The following TRMT2B variants were observed in gnomAD, a reference collection of about 807,000 sequenced individuals.
TRMT2B encodes the protein tRNA (uracil-5-)-methyltransferase homolog B.
Under a neutral mutation model 39.7 loss-of-function variants are expected in TRMT2B, and 34 were observed. That is an observed-to-expected ratio of 0.86 (90% CI 0.65 to 1.14). TRMT2B has a LOEUF of 1.14. Among genes scored for constraint, TRMT2B ranks in the 50% most tolerant of loss-of-function variants. The pLI, the probability that TRMT2B is intolerant of heterozygous loss-of-function variation, is 0.00. For synonymous variants in TRMT2B, 132 were observed against 137.3 expected, an observed-to-expected ratio of 0.96 and a Z score of 0.27; for missense variants, 318 against 377.2, an observed-to-expected ratio of 0.84 and a Z score of 1.30.
chrX:101,032,973 C>T (rs920855253), intron 7 of TRMT2B, among the ~76,000 whole-genome samples: 13 of 110,112 alleles, frequency 1.2e-4, no homozygotes, highest in Non-Finnish European at 2.1e-4. Flanking sequence ...AAGAAATTGG[C>T]GGCCAGGCAC....
chrX:101,039,660 G>T (rs970667370), intron 4 of TRMT2B, among the ~76,000 whole-genome samples: 1 of 111,925 alleles, frequency 8.9e-6, no homozygotes, highest in Admixed American at 9.6e-5. Flanking sequence ...CATTTTGGGA[G>T]TCTGAAGCAG....
chrX:101,041,497 C>A, intron 3 of TRMT2B, 126 bp from the exon 4 acceptor site: 1 of 613,487 alleles, frequency 1.6e-6, no homozygotes, highest in Non-Finnish European at 2.5e-6. Flanking sequence ...GGGAGAAGAG[C>A]CCATTTTGAT....
At chrX:101,029,633 C>T (rs1483353465) in intron 7 of TRMT2B, among the ~76,000 whole-genome samples, 2 of 111,557 alleles carry the variant, frequency 1.8e-5, no homozygotes, top group Non-Finnish European at 3.8e-5. Flanking sequence ...TCCTAAGCAT[C>T]TAGAATAGTG....
intron 13 of TRMT2B, among the ~76,000 whole-genome samples, chrX:101,017,075 G>A (rs780657653): frequency 9.1e-6 from 1 of 109,459 alleles, no homozygotes; most frequent in South Asian, 4.0e-4. Flanking sequence ...GGGAGGCTGA[G>A]GTAGGAGAAT....
chrX:101,027,522 G>T (rs1301739645), intron 7 of TRMT2B, among the ~76,000 whole-genome samples: 6 of 109,705 alleles, frequency 5.5e-5, no homozygotes, highest in East Asian at 2.9e-4. Flanking sequence ...GATTACAGGC[G>T]TGAGCCACGG....
At chrX:101,049,592 G>A (rs2088926641) in intron 2 of TRMT2B, among the ~76,000 whole-genome samples, 3 of 107,678 alleles carry the variant, frequency 2.8e-5, no homozygotes, top group Admixed American at 1.0e-4. Context: ...TTAGGAGTTC[G>A]AGACCAGCCT....
chrX:101,005,418 A>T (rs2086093220), downstream of TRMT2B, among the ~76,000 whole-genome samples: 1 of 110,671 alleles, frequency 9.0e-6, no homozygotes, highest in Admixed American at 9.7e-5. Flanking sequence ...TACTAAAGAG[A>T]CACAGACAAA....
At chrX:101,012,778 A>C (rs1569471221) in intron 13 of TRMT2B, among the ~76,000 whole-genome samples, 2 of 110,613 alleles carry the variant, frequency 1.8e-5, no homozygotes, top group African/African-American at 6.6e-5. Flanking sequence ...AAAAATGATG[A>C]GTTCATGTCC....
At chrX:101,021,029 G>T in intron 10 of TRMT2B, 72 bp downstream of exon 10, 2 of 1,015,865 alleles carry the variant, frequency 2.0e-6, no homozygotes, top group Non-Finnish European at 2.8e-6. Flanking sequence ...ACCTCTCCCC[G>T]ACCACCTCCG....
At chrX:101,036,763 G>A (rs2087869006) in intron 6 of TRMT2B, among the ~76,000 whole-genome samples, 1 of 111,814 alleles carries the variant, frequency 8.9e-6, no homozygotes, top group Non-Finnish European at 1.9e-5. Context: ...GGCTTTTAGA[G>A]GAAGAAAGGG....
chrX:101,037,687 T>C (rs1033867358), intron 5 of TRMT2B: 50 of 337,528 alleles, frequency 1.5e-4, no homozygotes, highest in Admixed American at 4.2e-4. Context: ...TGGCCCTTTC[T>C]AGATGTGTGT....
chrX:101,016,281 C>T (rs139231094), intron 13 of TRMT2B, among the ~76,000 whole-genome samples: 18,935 of 110,279 alleles, frequency 0.17, 1,502 homozygotes, highest in East Asian at 0.41. Flanking sequence ...AAGGCAACAA[C>T]CTATCTACTT....
At chrX:101,037,497 A>G (rs1338905453) in intron 5 of TRMT2B, 1 of 159,030 alleles carries the variant, frequency 6.3e-6, no homozygotes, top group Non-Finnish European at 1.2e-5. Flanking sequence ...CCCCTGCCAT[A>G]AATTAAATTC....
At chrX:101,043,448 T>C (rs968172776) in intron 2 of TRMT2B, 3 of 110,822 alleles carry the variant, frequency 2.7e-5, no homozygotes, top group African/African-American at 9.9e-5. Flanking sequence ...CACACGTCTG[T>C]AGTCCCAGGT....
At chrX:101,028,525 T>A (rs2087257807) in intron 7 of TRMT2B, among the ~76,000 whole-genome samples, 2 of 111,587 alleles carry the variant, frequency 1.8e-5, no homozygotes, top group African/African-American at 6.5e-5. Context: ...ATCTACATCA[T>A]CTCTCACCTG....
Position 101,016,228 on chromosome X carries a change from G to A in TRMT2B, c.1388+2743C>T, listed in dbSNP as rs746650743. Among the ~76,000 whole-genome samples, 444 of 111,419 alleles carry A rather than the reference G, an allele frequency of 4.0e-3. 2 individuals are homozygous for A. Among genetic ancestry groups the A allele is most frequent in the African/African-American group, 0.014 (429 of 30,726 alleles). On this transcript the variant is annotated intron_variant, in intron 13 of 13. Transcript: ENST00000372936. ...TGAAGAAGATACCAAACACCCGTTAGCAATCAAGCCCCATTTAATCTCCAA... is the reference window on the plus strand; with the variant it reads ...TGAAGAAGATACCAAACACCCGTTAACAATCAAGCCCCATTTAATCTCCAA...
intron 11 of TRMT2B, 124 bp from the exon 12 acceptor site, chrX:101,019,527 G>A: frequency 3.4e-6 from 3 of 885,493 alleles, no homozygotes; most frequent in South Asian, 5.1e-5. Flanking sequence ...ATCACTCCAA[G>A]TAACAAGGAA....
downstream of TRMT2B, among the ~76,000 whole-genome samples, chrX:101,006,286 A>G (rs1377055974): frequency 1.2e-4 from 13 of 111,253 alleles, no homozygotes; most frequent in East Asian, 3.7e-3. Flanking sequence ...TTTGGTATAA[A>G]CTCCTTATCT....
At chrX:101,029,951 A>G (rs764198185) in intron 7 of TRMT2B, among the ~76,000 whole-genome samples, 193 of 111,761 alleles carry the variant, frequency 1.7e-3, no homozygotes, top group African/African-American at 5.9e-3. Flanking sequence ...TTGGCTAAAA[A>G]GTCTAGATGC....
Sources: allele counts gnomAD v4.1 joint callset (sites outside exome capture counted in the v4.1 genomes callset), GRCh38; gene constraint gnomAD v4.1.1; transcripts MANE v1.5; gene names NCBI Gene and HGNC (gene_info 2026-07-23, HGNC 2026-07-21).